Variants in KCNK10 observed in about 807,000 individuals in gnomAD.
KCNK10 encodes the protein potassium channel subfamily K member 10.
Under a neutral mutation model 47.7 loss-of-function variants are expected in KCNK10, and 25 were observed. The ratio of observed to expected loss-of-function variants is 0.52; its 90% CI spans 0.38 to 0.73. The LOEUF (loss-of-function observed/expected upper bound fraction) is 0.73, where lower values mean the gene tolerates loss of function less well. Ranked by LOEUF, KCNK10 falls within the 30% of genes least tolerant of loss-of-function variation. The pLI, the probability that KCNK10 is intolerant of heterozygous loss-of-function variation, is 0.00. For synonymous variants in KCNK10, 303 were observed against 285.6 expected (o/e 1.06, Z -0.61); for missense variants, 563 against 714.5 (o/e 0.79, Z 2.42).
chr14:88,247,839 G>A (rs183608284), intron 2 of KCNK10, among the ~76,000 whole-genome samples: 1 of 152,196 alleles, frequency 6.6e-6, no homozygotes, highest in South Asian at 2.1e-4. Context: ...GCCATATTTG[G>A]GGGCACTCTT....
rs180776692 is a variant in KCNK10, at chr14:88,298,220, T to C, written c.52+24527A>G. Reference sequence around the variant, plus strand: ...CAGTTCCCAGGACACAGTACCCTTGTACAAGTCAAAATTAATATCGTCCAC... The same window carrying C: ...CAGTTCCCAGGACACAGTACCCTTGCACAAGTCAAAATTAATATCGTCCAC... On this transcript the variant is annotated intron_variant, in intron 1 of 6. Transcript: ENST00000319231. 2.2e-3 allele frequency among the ~76,000 whole-genome samples: 342 copies of C among 152,304 alleles called. 1 individual carries two copies. Among genetic ancestry groups the C allele is most frequent in the Non-Finnish European group, 3.5e-3 (241 of 68,028 alleles).
intron 4 of KCNK10, among the ~76,000 whole-genome samples, chr14:88,206,717 T>C (rs1035462585): frequency 6.6e-6 from 1 of 152,244 alleles, no homozygotes; most frequent in Non-Finnish European, 1.5e-5. Context: ...TAGGGTTTCA[T>C]AACAGAGCAC....
At chr14:88,282,508 T>G (rs1349481879) in intron 1 of KCNK10, among the ~76,000 whole-genome samples, 2 of 152,226 alleles carry the variant, frequency 1.3e-5, no homozygotes, top group African/African-American at 2.4e-5. Flanking sequence ...AGAGAGCGGA[T>G]AGCCATGCCA....
Position 88,322,919 on chromosome 14 carries a change from G to T in KCNK10, c.-121C>A. On this transcript the variant is annotated 5_prime_UTR_variant, in exon 1 of 7. Coordinates refer to ENST00000319231, the MANE Select transcript of KCNK10 (RefSeq NM_138317.3). The surrounding 1 kb of genome is among the most constrained non-coding windows in gnomAD (Gnocchi z 4.8). ...AATTTCCGAGGATGGGGGAGCCTTG[G>T]ACTGGCTCGTGGAGGAACCCCAGAA... 6.4e-7 allele frequency: 1 copy of T among 1,554,058 alleles called. No individual in the cohort carries two copies.
At chr14:88,318,643 A>C (rs1292517521) in intron 1 of KCNK10, among the ~76,000 whole-genome samples, 1 of 152,232 alleles carries the variant, frequency 6.6e-6, no homozygotes, top group Non-Finnish European at 1.5e-5. Flanking sequence ...GCCCTCAGAC[A>C]GATGCAAGTG....
At chr14:88,206,976 A>C (rs1275489720) in intron 4 of KCNK10, among the ~76,000 whole-genome samples, 2 of 152,216 alleles carry the variant, frequency 1.3e-5, no homozygotes, top group East Asian at 3.9e-4. Flanking sequence ...CTGTAGAATT[A>C]CACTTCTAAG....
rs546489160 is a variant in KCNK10, at chr14:88,247,608, G to C, written c.403-6788C>G. 2.6e-5 allele frequency among the ~76,000 whole-genome samples: 4 copies of C among 152,312 alleles called. No individual in the cohort carries two copies. In the East Asian group the frequency reaches 7.7e-4, roughly 29 times the overall value. ...TTATAAATCTAAAGTGAAGGCCACT[G>C]GCAGAAAGGACAGGGCAAGTGGAGA... On this transcript the variant is annotated intron_variant, in intron 2 of 6. Coordinates refer to ENST00000319231, the MANE Select transcript of KCNK10 (RefSeq NM_138317.3).
intron 1 of KCNK10, among the ~76,000 whole-genome samples, chr14:88,267,601 ACCTCAGGTGATCTGCCCG>A (rs1364766270): frequency 2.0e-5 from 3 of 151,918 alleles, no homozygotes; most frequent in Non-Finnish European, 4.4e-5. Context: ...TGAGCTCCTG[ACCTCAGGTGATCTGCCCG>A]CCTCAGCCTC....
intron 4 of KCNK10, 59 bp downstream of exon 4, chr14:88,227,316 G>T: frequency 7.2e-7 from 1 of 1,393,462 alleles, no homozygotes; most frequent in Non-Finnish European, 9.7e-7. Context: ...CCTGGATCCT[G>T]TCAGGCTAAA....
rs150710745 is a variant in KCNK10, at chr14:88,264,275, G to T, written c.53-724C>A. ...ATTACTTTGGAAATAAATAGGTTCA[G>T]CTGGAGGCTTTTCTGCGATGGCAGG... is the stretch of plus-strand genomic sequence containing the variant. On this transcript the variant is annotated intron_variant, in intron 1 of 6. Transcript: ENST00000319231. 8.0e-3 allele frequency among the ~76,000 whole-genome samples: 1,224 copies of T among 152,338 alleles called. 3 individuals are homozygous for T. Among genetic ancestry groups the T allele is most frequent in the Non-Finnish European group, 0.013 (877 of 68,034 alleles).
At chr14:88,190,146 T>TA (rs374599048) in intron 5 of KCNK10, among the ~76,000 whole-genome samples, 82 of 152,226 alleles carry the variant, frequency 5.4e-4, no homozygotes, top group African/African-American at 1.9e-3. Flanking sequence ...AAGCATCACT[T>TA]AAAAAATCTC....
At chr14:88,319,414 C>G (rs1056113895) in intron 1 of KCNK10, among the ~76,000 whole-genome samples, 27 of 152,194 alleles carry the variant, frequency 1.8e-4, no homozygotes, top group Admixed American at 1.8e-3. Context: ...TGAACTGTCT[C>G]TCCACTTTCC....
Position 88,263,372 on chromosome 14 carries a change from C to T in KCNK10, c.232G>A (p.Val78Ile), listed in dbSNP as rs1232943803. 6.2e-7 allele frequency: 1 copy of T among 1,614,006 alleles called. No homozygotes were observed. Among genetic ancestry groups the T allele is most frequent in the Non-Finnish European group, 8.5e-7 (1 of 1,180,046 alleles). The change falls in exon 2 of 7, where the codon GTT becomes ATT. Residue 78 changes from valine to isoleucine, a missense_variant. Val to Ile is a conservative substitution (Grantham distance 29). Coordinates refer to ENST00000319231, the MANE Select transcript of KCNK10 (RefSeq NM_138317.3). ...ACCACCACAACCACAAAGATGGCAACCACCGTCTTCCACTTCATGACGGTC... is the reference window on the plus strand; with the variant it reads ...ACCACCACAACCACAAAGATGGCAATCACCGTCTTCCACTTCATGACGGTC... ...LQTVMKWKTV[V>I]AIFVVVVVYL... is the part of the protein sequence containing the mutation.
chr14:88,207,762 C>T (rs189201674), intron 4 of KCNK10, among the ~76,000 whole-genome samples: 1 of 152,250 alleles, frequency 6.6e-6, no homozygotes, highest in African/African-American at 2.4e-5. Context: ...CAGATGGGAC[C>T]CGACCTCACA....
intron 4 of KCNK10, among the ~76,000 whole-genome samples, chr14:88,221,447 T>G (rs1885806660): frequency 6.6e-6 from 1 of 152,114 alleles, no homozygotes; most frequent in Non-Finnish European, 1.5e-5. Flanking sequence ...CAAGTAAGCA[T>G]CTGAAAAGAT....
intron 1 of KCNK10, among the ~76,000 whole-genome samples, chr14:88,316,394 T>C (rs1888431346): frequency 6.6e-6 from 1 of 152,236 alleles, no homozygotes; most frequent in African/African-American, 2.4e-5. Context: ...AGGTCTTTAT[T>C]TCCCCATTGT....
At chr14:88,246,186 C>A (rs1401713511) in intron 2 of KCNK10, among the ~76,000 whole-genome samples, 1 of 147,626 alleles carries the variant, frequency 6.8e-6, no homozygotes, top group Non-Finnish European at 1.5e-5. Flanking sequence ...TGGCATGAAC[C>A]AGGGAGGCTG....
chr14:88,224,019 T>TA (rs5810403), intron 4 of KCNK10, among the ~76,000 whole-genome samples: 81 of 146,696 alleles, frequency 5.5e-4, no homozygotes, highest in Non-Finnish European at 7.1e-4. Flanking sequence ...CATCTCCACT[T>TA]AAAAAAAAAA....
chr14:88,298,493 G>C (rs28612868), intron 1 of KCNK10, among the ~76,000 whole-genome samples: 7,907 of 152,222 alleles, frequency 0.052, 315 homozygotes, highest in African/African-American at 0.11. Context: ...ACGCCTTAGA[G>C]ATGCCCCACC....
Sources: gnomAD v4.1 joint callset for allele counts (sites outside exome capture counted in the v4.1 genomes callset) on GRCh38, gnomAD v4.1.1 for gene constraint, Gnocchi (gnomAD v3.1) non-coding constraint, MANE v1.5 for transcripts, NCBI Gene and HGNC (gene_info 2026-07-23, HGNC 2026-07-21) for gene names.